Variants in TENM3 observed in about 807,000 individuals in gnomAD.
TENM3 encodes the protein teneurin-3.
TENM3 carries 63 observed loss-of-function variants against 255.1 expected under a neutral mutation model. That is an observed-to-expected ratio of 0.25 (90% CI 0.20 to 0.30). The LOEUF (loss-of-function observed/expected upper bound fraction) is 0.30, where lower values mean the gene tolerates loss of function less well. TENM3 is among the 10% of genes least tolerant of loss of function. The probability of loss-of-function intolerance (pLI) is 1.00; values close to 1 mark genes in which losing one functional copy is unlikely to be tolerated. For synonymous variants in TENM3, 1,306 were observed against 1,322.3 expected, an observed-to-expected ratio of 0.99 and a Z score of 0.27; for missense variants, 2,929 against 3,461.1, an observed-to-expected ratio of 0.85 and a Z score of 3.86.
intron 3 of TENM3, among the ~76,000 whole-genome samples, chr4:182,474,158 A>G (rs1733435340): frequency 6.6e-6 from 1 of 152,086 alleles, no homozygotes; most frequent in Non-Finnish European, 1.5e-5. Flanking sequence ...AAGGGCCTGA[A>G]ATGAATTCCT....
At chr4:182,473,598 G>A (rs1313050910) in intron 3 of TENM3, among the ~76,000 whole-genome samples, 5 of 152,142 alleles carry the variant, frequency 3.3e-5, no homozygotes, top group African/African-American at 9.7e-5. Context: ...GCGTGAACTA[G>A]GGAGGCGGAG....
At chr4:181,702,088 CA>C in the TENM3 span, among the ~76,000 whole-genome samples, 1 of 152,186 alleles carries the variant, frequency 6.6e-6, no homozygotes, top group Non-Finnish European at 1.5e-5. Context: ...AGCCACTGAA[CA>C]GTGCACACTA....
the TENM3 span, among the ~76,000 whole-genome samples, chr4:181,762,827 T>G: frequency 1.4e-3 from 220 of 152,314 alleles, 3 homozygotes; most frequent in East Asian, 0.034. Flanking sequence ...CTTGATTAGA[T>G]TTTAGTTCTC....
At chr4:181,927,723 A>G in the TENM3 span, among the ~76,000 whole-genome samples, 1 of 152,330 alleles carries the variant, frequency 6.6e-6, no homozygotes, top group East Asian at 1.9e-4. Context: ...CATGCCTCAT[A>G]ACTGGGAGAC....
Position 182,378,694 on chromosome 4 carries a change from G to C in TENM3, c.511+31765G>C, listed in dbSNP as rs1034237858. Among the ~76,000 whole-genome samples the C allele has an allele frequency of 3.3e-5, 5 of 152,280 alleles. 1 individual carries two copies. The East Asian group carries it at 9.7e-4, about 29-fold the overall frequency. On this transcript the variant is annotated intron_variant, in intron 3 of 27. Transcript: ENST00000511685. ...TAACTCATGAAATAAGGTTGCAGAGGAAAGTCGGGTTTTGCAGAGTTTGGA... is the reference window on the plus strand; with the variant it reads ...TAACTCATGAAATAAGGTTGCAGAGCAAAGTCGGGTTTTGCAGAGTTTGGA...
At chr4:181,875,627 CG>C in the TENM3 span, among the ~76,000 whole-genome samples, 1 of 152,200 alleles carries the variant, frequency 6.6e-6, no homozygotes, top group African/African-American at 2.4e-5. Context: ...AGTCAAAAGA[CG>C]ACAACACATT....
chr4:182,028,399 T>G, the TENM3 span, among the ~76,000 whole-genome samples: 1 of 152,254 alleles, frequency 6.6e-6, no homozygotes, highest in East Asian at 1.9e-4. Context: ...TTTGCTTAAC[T>G]TTTCAAAAAA....
the TENM3 span, among the ~76,000 whole-genome samples, chr4:181,749,052 A>G: frequency 7.9e-5 from 12 of 152,132 alleles, no homozygotes; most frequent in South Asian, 6.2e-4. Context: ...AAGACATAGC[A>G]AGAAAAATGT....
the TENM3 span, among the ~76,000 whole-genome samples, chr4:181,472,546 A>G: frequency 6.6e-6 from 1 of 152,120 alleles, no homozygotes; most frequent in Admixed American, 6.5e-5. Flanking sequence ...TCCTGAGCAC[A>G]GGGGAGGTGA....
At chr4:181,633,745 T>C in the TENM3 span, among the ~76,000 whole-genome samples, 18,114 of 152,168 alleles carry the variant, frequency 0.12, 1,319 homozygotes, top group African/African-American at 0.2. Context: ...AAAGATGCTC[T>C]GAAATGGGTT....
At chr4:181,916,799 C>T in the TENM3 span, among the ~76,000 whole-genome samples, 1 of 152,080 alleles carries the variant, frequency 6.6e-6, no homozygotes, top group Non-Finnish European at 1.5e-5. Flanking sequence ...ATCGTTTGAA[C>T]CTGGGAGGCA....
intron 2 of TENM3, among the ~76,000 whole-genome samples, chr4:182,325,915 AT>A (rs1282824164): frequency 2.6e-5 from 4 of 152,198 alleles, no homozygotes; most frequent in African/African-American, 9.7e-5. Context: ...CAGGTTAAAA[AT>A]AGCGCACTGA....
chr4:181,847,975 T>A, the TENM3 span, among the ~76,000 whole-genome samples: 1 of 152,178 alleles, frequency 6.6e-6, no homozygotes, highest in African/African-American at 2.4e-5. Context: ...GAAATATTAT[T>A]TGAAACTGAA....
the TENM3 span, among the ~76,000 whole-genome samples, chr4:181,583,333 G>T: frequency 6.6e-6 from 1 of 152,108 alleles, no homozygotes; most frequent in African/African-American, 2.4e-5. Context: ...GCTATGATTT[G>T]TGTGGGCAAC....
chr4:181,585,783 C>A, the TENM3 span, among the ~76,000 whole-genome samples: 2 of 152,220 alleles, frequency 1.3e-5, no homozygotes, highest in South Asian at 2.1e-4. Context: ...GTGAAAGAAA[C>A]CTTTATTTCA....
At chr4:182,376,441 A>C (rs963703377) in intron 3 of TENM3, among the ~76,000 whole-genome samples, 20 of 152,334 alleles carry the variant, frequency 1.3e-4, no homozygotes, top group African/African-American at 4.8e-4. Flanking sequence ...GCATTGCAAA[A>C]ATATCTACCT....
intron 4 of TENM3, among the ~76,000 whole-genome samples, chr4:182,607,771 C>T (rs1748576035): frequency 6.6e-6 from 1 of 152,094 alleles, no homozygotes; most frequent in African/African-American, 2.4e-5. Context: ...AGCGTAATTT[C>T]AATAAATTGC....
intron 24 of TENM3, among the ~76,000 whole-genome samples, chr4:182,777,494 CTA>C (rs1174379980): frequency 7.9e-6 from 1 of 126,132 alleles, no homozygotes; most frequent in African/African-American, 3.1e-5. Flanking sequence ...TTCTCTCTGT[CTA>C]TACATAATGT....
chr4:182,499,258 A>G (rs1328293339), intron 3 of TENM3, among the ~76,000 whole-genome samples: 1 of 152,242 alleles, frequency 6.6e-6, no homozygotes. Context: ...TATTTAGGGT[A>G]ACAAAAAAGA....
Sources: allele counts gnomAD v4.1 joint callset (sites outside exome capture counted in the v4.1 genomes callset), GRCh38; gene constraint gnomAD v4.1.1; transcripts MANE v1.5; gene names NCBI Gene and HGNC (gene_info 2026-07-23, HGNC 2026-07-21).